NOS1: variants seen among roughly 807,000 people sequenced by gnomAD.
NOS1 encodes the protein NOS type I.
Under a neutral mutation model 164.5 loss-of-function variants are expected in NOS1, and 51 were observed. The observed-to-expected ratio is 0.31, with a 90% CI of 0.25 to 0.39. NOS1 has a LOEUF of 0.39. Ranked by LOEUF, NOS1 falls within the 10% of genes least tolerant of loss-of-function variation. The pLI is 1.00. For synonymous variants in NOS1, 719 were observed against 745.8 expected, an observed-to-expected ratio of 0.96 and a Z score of 0.59; for missense variants, 1,362 against 1,885.6, an observed-to-expected ratio of 0.72 and a Z score of 5.14.
chr12:117,282,278 AG>A (rs1873736168), intron 7 of NOS1, among the ~76,000 whole-genome samples: 1 of 151,946 alleles, frequency 6.6e-6, no homozygotes, highest in South Asian at 2.1e-4. Flanking sequence ...ATCTCACAGC[AG>A]GAGCTCTTGC....
rs1868536929 is a variant in NOS1 at position 117,225,084 on chromosome 12, C to T, written c.3758G>A (p.Gly1253Glu). Reference protein sequence around the residue: ...RNPQVPCILVGPGTGIAPFRS... With the variant: ...RNPQVPCILVEPGTGIAPFRS... ...GAAAGGGGCAATGCCGGTGCCTGGTCCAACGAGGATGCAGGGGACTTGGGG... is the reference window on the plus strand; with the variant it reads ...GAAAGGGGCAATGCCGGTGCCTGGTTCAACGAGGATGCAGGGGACTTGGGG... The change falls in exon 25 of 29, where the codon GGA becomes GAA. Residue 1253 changes from glycine (G) to glutamate (E), a missense_variant. Gly to Glu is a moderately conservative substitution (Grantham distance 98). This residue lies in a region of NOS1 where 737 missense variants were observed against 1,030.3 expected (regional missense o/e 0.72). Transcript: ENST00000317775. 1.2e-6 allele frequency: 2 copies of T among 1,613,976 alleles called. No individual in the cohort carries two copies. Among genetic ancestry groups the T allele is most frequent in the Non-Finnish European group, 1.7e-6 (2 of 1,180,018 alleles).
intron 9 of NOS1, among the ~76,000 whole-genome samples, chr12:117,274,397 G>C (rs1317952393): frequency 1.3e-5 from 2 of 152,166 alleles, no homozygotes; most frequent in East Asian, 3.8e-4. Flanking sequence ...ATGCAGAACG[G>C]TATGGCAGAT....
chr12:117,305,332 T>C (rs941967115), intron 3 of NOS1, among the ~76,000 whole-genome samples: 5 of 152,000 alleles, frequency 3.3e-5, no homozygotes, highest in South Asian at 4.2e-4. Flanking sequence ...GACGTGGTGG[T>C]GGGCGCCTGT....
chr12:117,216,498 G>T (rs1956613712), intron 28 of NOS1, among the ~76,000 whole-genome samples: 1 of 151,054 alleles, frequency 6.6e-6, no homozygotes, highest in African/African-American at 2.4e-5. Context: ...TTTCTCTTGA[G>T]ATAGGGTCTT....
chr12:117,223,014 C>T (rs1868359239), intron 25 of NOS1, 151 bp from the exon 26 acceptor site: 2 of 803,520 alleles, frequency 2.5e-6, no homozygotes, highest in Non-Finnish European at 4.0e-6. Flanking sequence ...TGCGTGCACA[C>T]ACATGTACAC....
intron 1 of NOS1, among the ~76,000 whole-genome samples, chr12:117,353,611 G>A (rs969368824): frequency 3.3e-5 from 5 of 152,228 alleles, no homozygotes; most frequent in Non-Finnish European, 5.9e-5. Context: ...AAGCAGACAA[G>A]CTGTTTCCCA....
chr12:117,224,030 T>C (rs1868423113), intron 25 of NOS1, among the ~76,000 whole-genome samples: 1 of 152,214 alleles, frequency 6.6e-6, no homozygotes, highest in South Asian at 2.1e-4. Context: ...GAGAAATGAA[T>C]GTGAAACATT....
chr12:117,286,098 AC>A lies in NOS1; in HGVS notation c.1290+5del. On this transcript the variant is annotated splice_donor_5th_base_variant and intron_variant, in intron 6 of 28. Coordinates refer to ENST00000317775, the MANE Select transcript of NOS1 (RefSeq NM_000620.5). ...GCTCTTCAAGGTATCTGACTTCACC[AC>A]CTACCTGCAGCTTGGACCACTGGAT... The A allele has an allele frequency of 6.2e-7, 1 of 1,613,946 alleles. No individual in the cohort carries two copies. The highest frequency in any genetic ancestry group is 8.5e-7 in the Non-Finnish European group (1 of 1,179,968).
chr12:117,253,655 T>C lies in NOS1; in HGVS notation c.2631A>G (p.Gly877=). 1 of 1,613,420 alleles carries C rather than the reference T, an allele frequency of 6.2e-7. No homozygotes were observed. Among genetic ancestry groups the C allele is most frequent in the South Asian group, 1.1e-5 (1 of 90,982 alleles). Residue 877 remains glycine (G), a synonymous_variant, in exon 17 of 29, where the codon GGA becomes GGG. Transcript: ENST00000317775. ...TTGCTCACCTCACATTGGCCAGGGG[T>C]CCAGCACTCTCAAAGTTGTCTCTGA... ...PDLRDNFESA[G]PLANVRFSVF...
intron 28 of NOS1, among the ~76,000 whole-genome samples, chr12:117,215,664 C>T (rs55981137): frequency 6.6e-6 from 1 of 151,998 alleles, no homozygotes; most frequent in Non-Finnish European, 1.5e-5. Flanking sequence ...AACTCCTGAC[C>T]TCAGGTGATC....
rs1370712416 is a variant in NOS1, at chr12:117,232,919, G to A, written c.3236-788C>T. Among the ~76,000 whole-genome samples the A allele has an allele frequency of 2.6e-5, 4 of 151,986 alleles. No homozygotes were observed. In the East Asian group the frequency reaches 5.8e-4, roughly 22 times the overall value. On this transcript the variant is annotated intron_variant, in intron 21 of 28. Coordinates refer to ENST00000317775, the MANE Select transcript of NOS1 (RefSeq NM_000620.5). ...GGGTCTCACTCTGTTGCCCAGGCGA[G>A]TGCAGTGGTGCGATCACAACTCACT...
At chr12:117,324,524 G>T (rs1287982689) in intron 2 of NOS1, among the ~76,000 whole-genome samples, 1 of 152,168 alleles carries the variant, frequency 6.6e-6, no homozygotes. Context: ...GAGGCTAGGA[G>T]TTTGAGACCA....
At position 117,210,068 on chromosome 12, in the gene NOS1, G is replaced by T; in HGVS notation, c.*5241C>A. The T allele has an allele frequency of 1.2e-6, 1 of 813,376 alleles. No homozygotes were observed. Among genetic ancestry groups the T allele is most frequent in the Non-Finnish European group, 1.5e-6 (1 of 673,134 alleles). 50.4% of individuals were successfully genotyped at this position (813,376 alleles called of 1,614,324 possible). A position where few individuals can be genotyped will look rare whatever the true frequency, so the allele number is the denominator to read the frequency against. On this transcript the variant is annotated 3_prime_UTR_variant, in exon 29 of 29. Coordinates refer to ENST00000317775, the MANE Select transcript of NOS1 (RefSeq NM_000620.5). ...GCTCACTGTCGCCTCAAACTCCTGG[G>T]ACCAAGTGATCCTCCTGCCTCAGCC...
intron 2 of NOS1, among the ~76,000 whole-genome samples, chr12:117,313,521 C>A (rs1001513219): frequency 1.3e-5 from 2 of 152,130 alleles, no homozygotes; most frequent in South Asian, 4.1e-4. Flanking sequence ...GTCTCAAACT[C>A]CCAAACTCAA....
chr12:117,257,601 T>C (rs957173092), intron 16 of NOS1, among the ~76,000 whole-genome samples: 1 of 143,226 alleles, frequency 7.0e-6, no homozygotes, highest in African/African-American at 2.6e-5. Context: ...CATTCTTTGA[T>C]TTTAGCTTTT....
At chr12:117,361,016 G>A (rs1419856666) in intron 1 of NOS1, among the ~76,000 whole-genome samples, 1 of 152,190 alleles carries the variant, frequency 6.6e-6, no homozygotes, top group Non-Finnish European at 1.5e-5. Context: ...CCCGAACCAA[G>A]TTGGGACGCG....
intron 22 of NOS1, among the ~76,000 whole-genome samples, chr12:117,231,016 A>C (rs1427374551): frequency 6.6e-6 from 1 of 152,170 alleles, no homozygotes; most frequent in Non-Finnish European, 1.5e-5. Context: ...GGGTACAAAA[A>C]TACAGTCACA....
At chr12:117,328,062 A>G (rs560613498) in intron 2 of NOS1, among the ~76,000 whole-genome samples, 1 of 152,218 alleles carries the variant, frequency 6.6e-6, no homozygotes, top group East Asian at 1.9e-4. Context: ...CACGTTAAGC[A>G]CACTCCTACC....
At chr12:117,231,602 AAAACCTTATCTTT>A (rs2135939642) in intron 22 of NOS1, among the ~76,000 whole-genome samples, 1 of 152,338 alleles carries the variant, frequency 6.6e-6, no homozygotes, top group African/African-American at 2.4e-5. Context: ...AAAACAAGAA[AAAACCTTATCTTT>A]AAACCAAGGC....
Sources: gnomAD v4.1 joint callset for allele counts (sites outside exome capture counted in the v4.1 genomes callset) on GRCh38, gnomAD v4.1.1 for gene constraint, gnomAD v4.1.1 regional missense constraint, MANE v1.5 for transcripts, NCBI Gene and HGNC (gene_info 2026-07-23, HGNC 2026-07-21) for gene names.